NSD1: variants seen among roughly 807,000 people sequenced by gnomAD.
NSD1 encodes the protein histone-lysine N-methyltransferase, H3 lysine-36 specific.
A neutral mutation model predicts 242.7 loss-of-function variants in NSD1; 26 were observed. The observed-to-expected ratio is 0.11, with a 90% CI of 0.08 to 0.15. The LOEUF (loss-of-function observed/expected upper bound fraction) is 0.15. Among genes scored for constraint, NSD1 ranks in the 10% least tolerant of loss-of-function variants. NSD1 has a pLI of 1.00. For synonymous variants in NSD1, 1,106 were observed against 1,178.1 expected (o/e 0.94, Z 1.25); for missense variants, 2,495 against 3,272.8 (o/e 0.76, Z 5.80).
At chr5:177,186,673 G>A (rs760005565) in intron 2 of NSD1, among the ~76,000 whole-genome samples, 1 of 152,184 alleles carries the variant, frequency 6.6e-6, no homozygotes, top group African/African-American at 2.4e-5. Flanking sequence ...TTAATATAAA[G>A]TGATACGTCA....
In NSD1 at chr5:177,297,887, C is replaced by A. The variant is rs1221870289; in HGVS notation, c.*2428C>A. 4.3e-6 allele frequency: 1 copy of A among 233,070 alleles called. No individual in the cohort carries two copies. The highest frequency in any genetic ancestry group is 8.5e-6 in the Non-Finnish European group (1 of 118,018). 14.4% of individuals were successfully genotyped at this position (233,070 alleles called of 1,614,324 possible). A position where few individuals can be genotyped will look rare whatever the true frequency, so the allele number is the denominator to read the frequency against. On this transcript the variant is annotated 3_prime_UTR_variant, in exon 23 of 23. Transcript: ENST00000439151. ...CATTCATTGGAGGCTTCGTTCCAGA[C>A]CTGCCTGGGAAAACAGCTTCTGAGC...
intron 2 of NSD1, among the ~76,000 whole-genome samples, chr5:177,171,148 G>C (rs748497520): frequency 2.0e-5 from 3 of 151,764 alleles, no homozygotes; most frequent in Non-Finnish European, 4.4e-5. Context: ...TGGTGAAACC[G>C]TCTCTAATAA....
chr5:177,217,132 A>G (rs761363926), intron 5 of NSD1, among the ~76,000 whole-genome samples: 10 of 152,086 alleles, frequency 6.6e-5, no homozygotes, highest in Non-Finnish European at 1.2e-4. Context: ...AAGTTTTCCA[A>G]TCCATGAAAA....
At chr5:177,174,504 T>C (rs1760012707) in intron 2 of NSD1, among the ~76,000 whole-genome samples, 1 of 149,378 alleles carries the variant, frequency 6.7e-6, no homozygotes, top group Non-Finnish European at 1.5e-5. Flanking sequence ...CGTGAGCCAC[T>C]GCACCCGGCC....
At chr5:177,275,668 C>T (rs941398893) in intron 17 of NSD1, among the ~76,000 whole-genome samples, 2 of 151,802 alleles carry the variant, frequency 1.3e-5, no homozygotes, top group Non-Finnish European at 2.9e-5. Flanking sequence ...CTCCTGACCT[C>T]GTGATCGGCC....
At chr5:177,169,590 G>A (rs570044902) in intron 2 of NSD1, 3 of 161,710 alleles carry the variant, frequency 1.9e-5, no homozygotes, top group Admixed American at 6.4e-5. Flanking sequence ...TGGGGCAAAC[G>A]TGTTGTTGAT....
intron 8 of NSD1, 55 bp from the exon 9 acceptor site, chr5:177,244,140 A>G (rs1562250930): frequency 7.8e-7 from 1 of 1,280,544 alleles, no homozygotes; most frequent in Non-Finnish European, 1.1e-6. Context: ...CATATAAAGT[A>G]AAGGGTTTAT....
intron 3 of NSD1, among the ~76,000 whole-genome samples, chr5:177,202,828 G>A (rs1329380703): frequency 1.3e-5 from 2 of 152,040 alleles, no homozygotes; most frequent in East Asian, 1.9e-4. Flanking sequence ...TGGGAAATAA[G>A]GAGTTCATTT....
At chr5:177,264,826 A>C in intron 14 of NSD1, 1 of 755,188 alleles carries the variant, frequency 1.3e-6, no homozygotes, top group Non-Finnish European at 2.4e-6. Context: ...GCCTTTTAGA[A>C]AACATGGAGT....
At chr5:177,191,013 G>C (rs879347245) in intron 2 of NSD1, among the ~76,000 whole-genome samples, 2 of 127,692 alleles carry the variant, frequency 1.6e-5, no homozygotes, top group Non-Finnish European at 3.2e-5. Flanking sequence ...CTCTGTCGCC[G>C]AGGCTAAAGT....
chr5:177,183,898 T>A (rs1231794567), intron 2 of NSD1, among the ~76,000 whole-genome samples: 1 of 152,212 alleles, frequency 6.6e-6, no homozygotes, highest in Non-Finnish European at 1.5e-5. Context: ...AGTTGGTCTT[T>A]CTGTGCCTGA....
chr5:177,146,070 C>A (rs1364896641), intron 2 of NSD1, among the ~76,000 whole-genome samples: 1 of 151,208 alleles, frequency 6.6e-6, no homozygotes, highest in Admixed American at 6.6e-5. Flanking sequence ...GCCTGGGTGA[C>A]CCTGTCTCTT....
intron 2 of NSD1, chr5:177,136,459 A>T (rs1472917203): frequency 5.4e-6 from 1 of 184,304 alleles, no homozygotes; most frequent in East Asian, 1.3e-4. Flanking sequence ...CTCTTACTTC[A>T]GGTTGAAGGG....
intron 5 of NSD1, among the ~76,000 whole-genome samples, chr5:177,213,117 T>G (rs2149851688): frequency 6.6e-6 from 1 of 152,330 alleles, no homozygotes; most frequent in South Asian, 2.1e-4. Flanking sequence ...TACCCAAGTG[T>G]TGTACCTAGC....
chr5:177,291,893 C>T, intron 21 of NSD1, 61 bp from the exon 22 acceptor site: 2 of 1,484,784 alleles, frequency 1.3e-6, no homozygotes, highest in Non-Finnish European at 1.9e-6. Context: ...GGTAGTTAAC[C>T]CGGTTAAGAT....
intron 5 of NSD1, among the ~76,000 whole-genome samples, chr5:177,212,470 TC>T (rs1351358086): frequency 1.4e-5 from 2 of 144,510 alleles, no homozygotes; most frequent in African/African-American, 5.4e-5. Flanking sequence ...TTTCTCTCTC[TC>T]TCTTTCTCTC....
At chr5:177,274,154 CA>C (rs1423196286) in intron 17 of NSD1, among the ~76,000 whole-genome samples, 5 of 151,372 alleles carry the variant, frequency 3.3e-5, no homozygotes, top group Non-Finnish European at 7.4e-5. Context: ...ACTCCGTCTC[CA>C]AAAAAAAGAA....
intron 3 of NSD1, among the ~76,000 whole-genome samples, chr5:177,198,713 G>C (rs1762288581): frequency 6.6e-6 from 1 of 152,044 alleles, no homozygotes; most frequent in Admixed American, 6.6e-5. Context: ...CATCCTTCTT[G>C]AATGACAGTC....
At chr5:177,144,416 G>T (rs1405384896) in intron 2 of NSD1, among the ~76,000 whole-genome samples, 2 of 151,128 alleles carry the variant, frequency 1.3e-5, no homozygotes, top group Non-Finnish European at 3.0e-5. Context: ...AAACTTATTT[G>T]ATTAGTAAGA....
Sources: allele counts gnomAD v4.1 joint callset (sites outside exome capture counted in the v4.1 genomes callset), GRCh38; gene constraint gnomAD v4.1.1; transcripts MANE v1.5; gene names NCBI Gene and HGNC (gene_info 2026-07-23, HGNC 2026-07-21).